The following WAC variants were observed in gnomAD, a reference collection of about 807,000 sequenced individuals.
The protein encoded by WAC is WW domain-containing adapter protein with coiled-coil.
In WAC, 11 loss-of-function variants were observed where a neutral mutation model predicts 79.6. The observed-to-expected ratio is 0.14, with a 90% CI of 0.09 to 0.23. WAC has a LOEUF of 0.23. WAC is among the 10% of genes least tolerant of loss of function. The pLI is 1.00. For missense variants in WAC, 728 were observed against 773.5 expected (o/e 0.94, Z 0.70); for synonymous variants, 304 against 276.9 (o/e 1.10, Z -0.97).
intron 5 of WAC, 75 bp downstream of exon 5, chr10:28,589,926 C>A: frequency 8.8e-7 from 1 of 1,133,194 alleles, no homozygotes; most frequent in Non-Finnish European, 1.3e-6. Context: ...CAGCATTAAA[C>A]ATTCTAATTT....
rs753768244 is a variant in WAC, at chr10:28,595,870, A to G, written c.748A>G (p.Ile250Val). 10 of 1,614,156 alleles carry G rather than the reference A, an allele frequency of 6.2e-6. No individual in the cohort carries two copies. The highest frequency in any genetic ancestry group is 3.3e-5 in the Admixed American group (2 of 60,012). The change falls in exon 7 of 14, where the codon ATC becomes GTC. Residue 250 changes from isoleucine to valine, a missense_variant. By Grantham distance (29) the Ile-to-Val change is conservative. This residue lies in a region of WAC where 648 missense variants were observed against 661.5 expected (regional missense o/e 0.98). Transcript: ENST00000354911. ...HSSSTPVQHP[I>V]KPVVHPTATP... ...TAGTTCTACGCCAGTACAGCACCCC[A>G]TCAAACCAGTGGTTCATCCAACTGC...
chr10:28,590,865 G>T (rs1179371570), intron 6 of WAC, 33 bp downstream of exon 6: 2 of 1,493,972 alleles, frequency 1.3e-6, no homozygotes, highest in Admixed American at 3.8e-5. Context: ...TGAAATGTAT[G>T]TTTGACTTAT....
intron 7 of WAC, among the ~76,000 whole-genome samples, chr10:28,599,945 T>C (rs1425993842): frequency 6.6e-6 from 1 of 152,152 alleles, no homozygotes; most frequent in Admixed American, 6.5e-5. Flanking sequence ...AATTGAATTT[T>C]ATCAGTTGGC....
chr10:28,536,379 A>G (rs1469852172), intron 3 of WAC, among the ~76,000 whole-genome samples: 1 of 152,212 alleles, frequency 6.6e-6, no homozygotes. Context: ...GACCTTTTAA[A>G]GATTTCAGTT....
chr10:28,548,919 C>G (rs1399217392), intron 3 of WAC, among the ~76,000 whole-genome samples: 1 of 151,982 alleles, frequency 6.6e-6, no homozygotes, highest in Non-Finnish European at 1.5e-5. Context: ...GAGGCAGAGT[C>G]TTGTCCTGTC....
At chr10:28,583,321 T>C in intron 3 of WAC, 78 bp from the exon 4 acceptor site, 2 of 1,014,960 alleles carry the variant, frequency 2.0e-6, no homozygotes, top group Non-Finnish European at 1.4e-6. Context: ...AAATAATATC[T>C]AGTATGATAG....
At chr10:28,536,439 C>T (rs1159144021) in intron 3 of WAC, among the ~76,000 whole-genome samples, 1 of 152,138 alleles carries the variant, frequency 6.6e-6, no homozygotes, top group African/African-American at 2.4e-5. Flanking sequence ...GTGTTCAAAT[C>T]TGTTTTCTAA....
intron 7 of WAC, among the ~76,000 whole-genome samples, chr10:28,607,611 G>A (rs1250706328): frequency 6.6e-6 from 1 of 152,064 alleles, no homozygotes; most frequent in Non-Finnish European, 1.5e-5. Flanking sequence ...AATTACAAAA[G>A]GGAAGTATGT....
At chr10:28,580,473 T>A (rs941760788) in intron 3 of WAC, among the ~76,000 whole-genome samples, 1 of 152,250 alleles carries the variant, frequency 6.6e-6, no homozygotes, top group Non-Finnish European at 1.5e-5. Context: ...TGTGGCACTT[T>A]CATTTCATAG....
intron 4 of WAC, among the ~76,000 whole-genome samples, chr10:28,588,518 A>G (rs183883236): frequency 3.3e-5 from 5 of 152,266 alleles, no homozygotes; most frequent in East Asian, 3.9e-4. Context: ...ATAAACCACT[A>G]ATTAGTTTTG....
At chr10:28,549,375 AT>A (rs373163757) in intron 3 of WAC, among the ~76,000 whole-genome samples, 31 of 152,012 alleles carry the variant, frequency 2.0e-4, no homozygotes, top group African/African-American at 7.2e-4. Context: ...TAATCCTTTG[AT>A]TTTCAGGCCT....
rs1297028124 is a variant in WAC at position 28,603,875 on chromosome 10, A to G, written c.920-4311A>G. The stretch of plus-strand genomic sequence containing the variant: ...CGTGAACCCGGGAGGCAGATCTTGC[A>G]GTTAGCTGAGATTGCACCACTGCAC... On this transcript the variant is annotated intron_variant, in intron 7 of 13. Transcript: ENST00000354911. Among the ~76,000 whole-genome samples, 7 of 147,412 alleles carry G rather than the reference A, an allele frequency of 4.7e-5. No homozygotes were observed. In the East Asian group the frequency reaches 1.4e-3, roughly 30 times the overall value.
chr10:28,608,210 T>C lies in WAC; in HGVS notation c.944T>C (p.Val315Ala). ...RKESTSGDKP[V>A]SHSCTTPSTS... ...GAATCTACATCAGGAGACAAACCCG[T>C]ATCACATTCTTGCACAACTCCTTCC... is the stretch of plus-strand genomic sequence containing the variant. Residue 315 changes from valine to alanine, a missense_variant, in exon 8 of 14, where the codon GTA becomes GCA. Val to Ala is a moderately conservative substitution (Grantham distance 64, BLOSUM62 0). Transcript: ENST00000354911. 1 of 1,614,186 alleles carries C rather than the reference T, an allele frequency of 6.2e-7. No individual in the cohort carries two copies. The highest frequency in any genetic ancestry group is 8.5e-7 in the Non-Finnish European group (1 of 1,180,040).
chr10:28,534,619 G>T lies in WAC; in HGVS notation c.78+585G>T, dbSNP rs888381225. On this transcript the variant is annotated intron_variant, in intron 2 of 13. Transcript: ENST00000354911. ...GATGTAGGTGGTTCTAGGTAGGTGG[G>T]TTCCTTTTTGTTACTGCAGTCATTG... Among the ~76,000 whole-genome samples the T allele has an allele frequency of 5.9e-5, 9 of 152,306 alleles. No homozygotes were observed. In the South Asian group the frequency reaches 1.7e-3, roughly 28 times the overall value.
At chr10:28,551,184 T>A (rs1235463701) in intron 3 of WAC, among the ~76,000 whole-genome samples, 1 of 152,210 alleles carries the variant, frequency 6.6e-6, no homozygotes, top group Non-Finnish European at 1.5e-5. Flanking sequence ...TTTTTGAAGC[T>A]ACTTACACAT....
chr10:28,539,572 G>GT (rs59043428), intron 3 of WAC, among the ~76,000 whole-genome samples: 10 of 149,418 alleles, frequency 6.7e-5, no homozygotes, highest in Admixed American at 2.0e-4. Flanking sequence ...TTGTTTTTTG[G>GT]TTTTTTTTTT....
At chr10:28,562,886 A>G (rs1838375028) in intron 3 of WAC, among the ~76,000 whole-genome samples, 1 of 152,132 alleles carries the variant, frequency 6.6e-6, no homozygotes, top group South Asian at 2.1e-4. Context: ...AACTGTGAAA[A>G]ATGTATTTTT....
intron 3 of WAC, among the ~76,000 whole-genome samples, chr10:28,559,125 C>A (rs558853955): frequency 3.2e-5 from 3 of 92,766 alleles, no homozygotes; most frequent in Non-Finnish European, 6.1e-5. Context: ...TCTCTGCTCT[C>A]GAGAAACCTG....
At chr10:28,587,044 T>C (rs1839854999) in intron 4 of WAC, among the ~76,000 whole-genome samples, 2 of 152,034 alleles carry the variant, frequency 1.3e-5, no homozygotes, top group African/African-American at 2.4e-5. Context: ...GGAGGCTCGC[T>C]TGAGCCCAGG....
Sources: allele counts gnomAD v4.1 joint callset (sites outside exome capture counted in the v4.1 genomes callset), GRCh38; gene constraint gnomAD v4.1.1; regional missense constraint gnomAD v4.1.1; transcripts MANE v1.5; gene names NCBI Gene and HGNC (gene_info 2026-07-23, HGNC 2026-07-21).